MGA: variants seen among roughly 807,000 people sequenced by gnomAD.
MGA encodes MAX dimerization protein MGA.
MGA carries 40 observed loss-of-function variants against 261.1 expected under a neutral mutation model. That is an observed-to-expected ratio of 0.15 (90% CI 0.12 to 0.20). The LOEUF is 0.20. Among genes scored for constraint, MGA ranks in the 10% least tolerant of loss-of-function variants. The pLI, the probability that MGA is intolerant of heterozygous loss-of-function variation, is 1.00. For missense variants in MGA, 3,397 were observed against 3,630.5 expected (o/e 0.94, Z 1.65); for synonymous variants, 1,302 against 1,290.6 (o/e 1.01, Z -0.19).
Position 41,710,831 on chromosome 15 carries a change from C to G in MGA, c.2566C>G (p.Gln856Glu). 10 of 1,613,902 alleles carry G rather than the reference C, an allele frequency of 6.2e-6. No individual in the cohort carries two copies. The highest frequency in any genetic ancestry group is 8.5e-6 in the Non-Finnish European group (10 of 1,179,880). The change falls in exon 8 of 24, where the codon CAG becomes GAG. Residue 856 changes from glutamine (Q) to glutamate (E), a missense_variant. This residue lies in a region of MGA where 519 missense variants were observed against 554.1 expected (regional missense o/e 0.94). Transcript: ENST00000219905. ...TGCTCCCACATCTCCTGTGGTGTAC[C>G]AGCTTCCCACTAAGAGTACCAGTTA...
chr15:41,724,997 G>C (rs1252583273), intron 9 of MGA, among the ~76,000 whole-genome samples: 2 of 152,194 alleles, frequency 1.3e-5, no homozygotes, highest in Non-Finnish European at 2.9e-5. Flanking sequence ...ATTAATTGAA[G>C]TAAGTATTTG....
intron 22 of MGA, among the ~76,000 whole-genome samples, chr15:41,764,098 G>T (rs2063655721): frequency 6.6e-6 from 1 of 151,898 alleles, no homozygotes; most frequent in Admixed American, 6.6e-5. Flanking sequence ...GGCGGAGGCT[G>T]CAGTGAGCTG....
At position 41,766,409 on chromosome 15, in the gene MGA, A is replaced by G. The variant is rs2063799491; in HGVS notation, c.8327A>G (p.His2776Arg). Residue 2776 changes from histidine to arginine, a missense_variant, in exon 24 of 24, where the codon CAT becomes CGT. Physicochemically the swap from His to Arg is conservative, Grantham distance 29 (BLOSUM62 0). Coordinates refer to ENST00000219905, the MANE Select transcript of MGA (RefSeq NM_001164273.2). ...GTGAAGTCAAAGGATTCTTCATTTC[A>G]TAAATTAAAGATGAAAGATCTCAAG... 1 of 1,613,802 alleles carries G rather than the reference A, an allele frequency of 6.2e-7. No individual in the cohort carries two copies. Among genetic ancestry groups the G allele is most frequent in the Non-Finnish European group, 8.5e-7 (1 of 1,179,814 alleles).
At chr15:41,697,375 G>T (rs1409899295) in intron 3 of MGA, among the ~76,000 whole-genome samples, 1 of 151,232 alleles carries the variant, frequency 6.6e-6, no homozygotes, top group African/African-American at 2.4e-5. Context: ...CTTTGGTGAC[G>T]CTCCATTTCT....
chr15:41,671,426 C>T (rs1040725228), intron 2 of MGA, among the ~76,000 whole-genome samples: 8 of 151,990 alleles, frequency 5.3e-5, no homozygotes, highest in South Asian at 2.1e-4. Flanking sequence ...CAGGTTCAAG[C>T]GATTCTCCTG....
intron 1 of MGA, among the ~76,000 whole-genome samples, chr15:41,654,345 T>C (rs1285602020): frequency 6.6e-6 from 1 of 152,216 alleles, no homozygotes; most frequent in Non-Finnish European, 1.5e-5. Context: ...AGATGTTCTT[T>C]CTAGTGGTTT....
At chr15:41,667,136 T>C (rs988211064) in intron 1 of MGA, among the ~76,000 whole-genome samples, 10 of 152,224 alleles carry the variant, frequency 6.6e-5, no homozygotes, top group African/African-American at 2.4e-4. Flanking sequence ...CTCTTAACTA[T>C]GTACATATTC....
chr15:41,699,007 A>T, intron 4 of MGA, 57 bp from the exon 5 acceptor site: 1 of 1,549,812 alleles, frequency 6.5e-7, no homozygotes. Context: ...AACATGCAAC[A>T]TTCATTTGTC....
At chr15:41,712,643 T>G (rs2060446774) in intron 8 of MGA, among the ~76,000 whole-genome samples, 1 of 152,228 alleles carries the variant, frequency 6.6e-6, no homozygotes, top group South Asian at 2.1e-4. Context: ...TAAAGACTTT[T>G]ATTTATGTAT....
At chr15:41,738,719 G>T (rs1348515137) in intron 13 of MGA, among the ~76,000 whole-genome samples, 1 of 152,208 alleles carries the variant, frequency 6.6e-6, no homozygotes, top group Non-Finnish European at 1.5e-5. Context: ...TGGGGAAGCT[G>T]CAGAGTAGGC....
intron 21 of MGA, 123 bp downstream of exon 21, chr15:41,761,973 C>G (rs879803385): frequency 1.0e-6 from 1 of 991,716 alleles, no homozygotes; most frequent in Non-Finnish European, 1.5e-6. Context: ...GCACAGTTAT[C>G]CTTTGACTGG....
intron 3 of MGA, 34 bp downstream of exon 3, chr15:41,697,057 A>C (rs771480359): frequency 2.1e-6 from 3 of 1,434,158 alleles, no homozygotes; most frequent in Non-Finnish European, 2.8e-6. Flanking sequence ...CTTTAAGGCT[A>C]ATTAGTCATA....
At position 41,745,763 on chromosome 15, in the gene MGA, C is replaced by A. The variant is rs556833460; in HGVS notation, c.5212+2591C>A. On this transcript the variant is annotated intron_variant, in intron 15 of 23. Coordinates refer to ENST00000219905, the MANE Select transcript of MGA (RefSeq NM_001164273.2). Reference sequence around the variant, plus strand: ...GGGATCATAGGCTTGTGCCACCACACCTGGTTAATTTTTTTGATTTTCAGT... The same window carrying A: ...GGGATCATAGGCTTGTGCCACCACAACTGGTTAATTTTTTTGATTTTCAGT... Among the ~76,000 whole-genome samples the A allele has an allele frequency of 4.8e-4, 70 of 146,700 alleles. No homozygotes were observed. The South Asian group carries it at 0.011, about 24-fold the overall frequency.
intron 2 of MGA, among the ~76,000 whole-genome samples, chr15:41,682,731 T>C (rs1165506850): frequency 1.3e-5 from 2 of 152,134 alleles, no homozygotes; most frequent in Non-Finnish European, 2.9e-5. Flanking sequence ...TCCTCCTGCC[T>C]CAGCCTCCCA....
At chr15:41,624,966 A>G (rs2056410246) in intron 1 of MGA, among the ~76,000 whole-genome samples, 1 of 152,044 alleles carries the variant, frequency 6.6e-6, no homozygotes, top group South Asian at 2.1e-4. Flanking sequence ...ACAGAGTGAG[A>G]CCCCATCTGT....
chr15:41,714,166 A>G (rs1567021162), intron 9 of MGA, among the ~76,000 whole-genome samples: 1 of 152,126 alleles, frequency 6.6e-6, no homozygotes, highest in Non-Finnish European at 1.5e-5. Flanking sequence ...TTTCTTGGCA[A>G]TTTATGTTTA....
intron 11 of MGA, among the ~76,000 whole-genome samples, chr15:41,730,715 A>G (rs1397418402): frequency 6.6e-6 from 1 of 152,208 alleles, no homozygotes; most frequent in African/African-American, 2.4e-5. Context: ...TTCCCATTCT[A>G]AAACACTTCC....
chr15:41,699,851 G>A (rs1318281217), intron 5 of MGA, among the ~76,000 whole-genome samples: 2 of 151,908 alleles, frequency 1.3e-5, no homozygotes, highest in African/African-American at 4.8e-5. Flanking sequence ...ATACTTTTCT[G>A]TCTCATGTTT....
intron 2 of MGA, among the ~76,000 whole-genome samples, chr15:41,679,931 G>A (rs1595690392): frequency 6.6e-6 from 1 of 152,206 alleles, no homozygotes; most frequent in South Asian, 2.1e-4. Context: ...GAGCATTATG[G>A]TTGTAGTTTG....
Sources: allele counts gnomAD v4.1 joint callset (sites outside exome capture counted in the v4.1 genomes callset), GRCh38; gene constraint gnomAD v4.1.1; regional missense constraint gnomAD v4.1.1; transcripts MANE v1.5; gene names NCBI Gene and HGNC (gene_info 2026-07-23, HGNC 2026-07-21).